Variants in SDC3 observed in about 807,000 individuals in gnomAD.
The protein encoded by SDC3 is syndecan-3.
A neutral mutation model predicts 24.4 loss-of-function variants in SDC3; 13 were observed. That is an observed-to-expected ratio of 0.53 (90% CI 0.35 to 0.85). The LOEUF (loss-of-function observed/expected upper bound fraction) is 0.85, where lower values mean the gene tolerates loss of function less well. SDC3 is among the 40% of genes least tolerant of loss of function. The probability of loss-of-function intolerance (pLI) is 0.01; values close to 1 mark genes in which losing one functional copy is unlikely to be tolerated. For missense variants in SDC3, 571 were observed against 584.5 expected, an observed-to-expected ratio of 0.98 and a Z score of 0.24; for synonymous variants, 295 against 260.9, an observed-to-expected ratio of 1.13 and a Z score of -1.26.
chr1:30,882,426 C>G (rs1367032307), intron 1 of SDC3, among the ~76,000 whole-genome samples: 1 of 152,136 alleles, frequency 6.6e-6, no homozygotes, highest in East Asian at 1.9e-4. Flanking sequence ...CCAGCAGTGA[C>G]CCACAGGCCC....
chr1:30,904,325 G>C (rs1235464675), intron 1 of SDC3, among the ~76,000 whole-genome samples: 3 of 152,014 alleles, frequency 2.0e-5, no homozygotes, highest in African/African-American at 7.3e-5. Context: ...GGTGGGCGGG[G>C]CTCTCGGTAA....
chr1:30,893,693 C>A (rs191523107), intron 1 of SDC3, among the ~76,000 whole-genome samples: 2 of 152,022 alleles, frequency 1.3e-5, no homozygotes, highest in African/African-American at 4.8e-5. Context: ...AGAATCCCCA[C>A]GAGGCCCTAG....
At chr1:30,881,100 T>C (rs1570001233) in intron 1 of SDC3, among the ~76,000 whole-genome samples, 6 of 150,772 alleles carry the variant, frequency 4.0e-5, no homozygotes, top group Admixed American at 4.0e-4. Context: ...GCATGTACTA[T>C]GCACCCCAAT....
chr1:30,878,766 G>C (rs1639692322), intron 1 of SDC3, 26 bp from the exon 2 acceptor site: 1 of 1,602,746 alleles, frequency 6.2e-7, no homozygotes, highest in Non-Finnish European at 8.5e-7. Flanking sequence ...GTGGACACAG[G>C]GCTCGGCACC....
rs943616464 is a variant in SDC3 at position 30,881,736 on chromosome 1, C to T, written c.139-2996G>A. Among the ~76,000 whole-genome samples, 6 of 152,220 alleles carry T rather than the reference C, an allele frequency of 3.9e-5. No individual in the cohort carries two copies. In the East Asian group the frequency reaches 1.2e-3, roughly 29 times the overall value. ...TGCTGGGAGCATGTTATTTATGCAGCCTCCTTTAAGCATCACAACTGCCCA... is the reference window on the plus strand; with the variant it reads ...TGCTGGGAGCATGTTATTTATGCAGTCTCCTTTAAGCATCACAACTGCCCA... On this transcript the variant is annotated intron_variant, in intron 1 of 4. Transcript: ENST00000339394.
At position 30,869,541 on chromosome 1, in the gene SDC3, A is replaced by C. The variant is rs796441004; in HGVS notation, c.*3670T>G. On this transcript the variant is annotated 3_prime_UTR_variant, in exon 5 of 5. Transcript: ENST00000339394. ...GTGTTAAAAAAACAAACAAACAAAA[A>C]AAAAAAAAAAAAAAAAAAAACAAAA... 97,906 of 346,930 alleles carry C rather than the reference A, an allele frequency of 0.28. 5,315 individuals carry two copies. Among genetic ancestry groups the C allele is most frequent in the Non-Finnish European group, 0.3 (59,498 of 200,038 alleles). 21.5% of individuals were successfully genotyped at this position (346,930 alleles called of 1,614,324 possible). A position where few individuals can be genotyped will look rare whatever the true frequency, so the allele number is the denominator to read the frequency against.
intron 1 of SDC3, among the ~76,000 whole-genome samples, chr1:30,904,310 T>A (rs12409678): frequency 6.6e-6 from 1 of 151,958 alleles, no homozygotes; most frequent in Non-Finnish European, 1.5e-5. Context: ...ACATGTAAAG[T>A]GCTTGGTGGG....
chr1:30,901,807 G>A (rs945849648), intron 1 of SDC3, among the ~76,000 whole-genome samples: 3 of 72,558 alleles, frequency 4.1e-5, no homozygotes, highest in Non-Finnish European at 8.7e-5. Flanking sequence ...CAAGGCAGGT[G>A]AATGGAAAAA....
At chr1:30,883,596 C>T (rs368761545) in intron 1 of SDC3, among the ~76,000 whole-genome samples, 5 of 152,320 alleles carry the variant, frequency 3.3e-5, no homozygotes, top group African/African-American at 9.6e-5. Context: ...CATGCCTGCA[C>T]ACAGTCGGAG....
At chr1:30,899,106 A>T (rs1280723071) in intron 1 of SDC3, among the ~76,000 whole-genome samples, 2 of 152,154 alleles carry the variant, frequency 1.3e-5, no homozygotes, top group African/African-American at 4.8e-5. Flanking sequence ...TTGTTGTTTG[A>T]GATGGAGTCT....
At position 30,869,536 on chromosome 1, in the gene SDC3, C is replaced by CAAACAAAAAAAAAAAAAA; in HGVS notation, c.*3674_*3675insTTTTTTTTTTTTTTGTTT. The CAAACAAAAAAAAAAAAAA allele has an allele frequency of 2.9e-6, 1 of 346,256 alleles. No individual in the cohort carries two copies. The highest frequency in any genetic ancestry group is 4.9e-6 in the Non-Finnish European group (1 of 202,876). The allele number at this position is 346,256 out of a possible 1,614,324, so 21.4% of individuals were successfully genotyped here. A position where few individuals can be genotyped will look rare whatever the true frequency, so the allele number is the denominator to read the frequency against. On this transcript the variant is annotated 3_prime_UTR_variant, in exon 5 of 5. Coordinates refer to ENST00000339394, the MANE Select transcript of SDC3 (RefSeq NM_014654.4). ...AGGAAGTGTTAAAAAAACAAACAAA[C>CAAACAAAAAAAAAAAAAA]AAAAAAAAAAAAAAAAAAAAAAAAA...
At chr1:30,881,075 CATAT>C in intron 1 of SDC3, among the ~76,000 whole-genome samples, 1 of 150,622 alleles carries the variant, frequency 6.6e-6, no homozygotes, top group East Asian at 2.0e-4. Context: ...CATCCTCATG[CATAT>C]ATATTCTTCT....
chr1:30,895,785 C>CA (rs1639990305), intron 1 of SDC3, among the ~76,000 whole-genome samples: 1 of 148,530 alleles, frequency 6.7e-6, no homozygotes, highest in African/African-American at 2.5e-5. Flanking sequence ...TGGGAGGTTC[C>CA]AACCAGCCAG....
rs1306867565 is a variant in SDC3 at position 30,870,375 on chromosome 1, A to T, written c.*2836T>A. 1 of 155,650 alleles carries T rather than the reference A, an allele frequency of 6.4e-6. No homozygotes were observed. Among genetic ancestry groups the T allele is most frequent in the African/African-American group, 2.4e-5 (1 of 41,610 alleles). The allele number at this position is 155,650 out of a possible 1,614,324, so 9.6% of individuals were successfully genotyped here. ...CCAAGGCCCCAGAGGCTCTCAAGCC[A>T]CAGAAGCTCCCTCTCATTTGGAACT... is the stretch of plus-strand genomic sequence containing the variant. On this transcript the variant is annotated 3_prime_UTR_variant, in exon 5 of 5. Coordinates refer to ENST00000339394, the MANE Select transcript of SDC3 (RefSeq NM_014654.4).
intron 1 of SDC3, among the ~76,000 whole-genome samples, chr1:30,893,303 G>GCCCCCCCC (rs59392837): frequency 3.0e-4 from 4 of 13,518 alleles, no homozygotes; most frequent in Admixed American, 9.9e-4. Context: ...CCCACCAGGA[G>GCCCCCCCC]CCCCCCCCCC....
intron 1 of SDC3, among the ~76,000 whole-genome samples, chr1:30,899,582 G>C (rs7368023): frequency 0.53 from 79,898 of 151,954 alleles, 21,425 homozygotes; most frequent in South Asian, 0.67. Flanking sequence ...ATCTTGGCCA[G>C]GTGGGTCTTG....
intron 1 of SDC3, among the ~76,000 whole-genome samples, chr1:30,884,520 C>T (rs1639800298): frequency 6.6e-6 from 1 of 152,142 alleles, no homozygotes; most frequent in African/African-American, 2.4e-5. Flanking sequence ...CTCCAGTCTG[C>T]CCTCTACCCA....
intron 1 of SDC3, among the ~76,000 whole-genome samples, chr1:30,888,516 C>T (rs547578696): frequency 6.6e-6 from 1 of 152,242 alleles, no homozygotes; most frequent in Admixed American, 6.5e-5. Context: ...ACAGCTCTGA[C>T]GGCTCCCCAA....
intron 1 of SDC3, among the ~76,000 whole-genome samples, chr1:30,879,514 C>G (rs574358435): frequency 1.3e-5 from 2 of 152,150 alleles, no homozygotes; most frequent in Non-Finnish European, 2.9e-5. Context: ...AAAATACCCA[C>G]GGTGGAGGAG....
Sources: allele counts gnomAD v4.1 joint callset (sites outside exome capture counted in the v4.1 genomes callset), GRCh38; gene constraint gnomAD v4.1.1; transcripts MANE v1.5; gene names NCBI Gene and HGNC (gene_info 2026-07-23, HGNC 2026-07-21).